SMC2: variants seen among roughly 807,000 people sequenced by gnomAD.
SMC2 encodes structural maintenance of chromosomes 2, also known as structural maintenance of chromosomes protein 2.
A neutral mutation model predicts 142.6 loss-of-function variants in SMC2; 41 were observed. The ratio of observed to expected loss-of-function variants is 0.29; its 90% CI spans 0.22 to 0.37. The LOEUF (loss-of-function observed/expected upper bound fraction) is 0.37. Among genes scored for constraint, SMC2 ranks in the 10% least tolerant of loss-of-function variants. The pLI, the probability that SMC2 is intolerant of heterozygous loss-of-function variation, is 1.00. For synonymous variants in SMC2, 463 were observed against 457.5 expected (o/e 1.01, Z -0.15); for missense variants, 1,265 against 1,373.7 (o/e 0.92, Z 1.25).
intron 7 of SMC2, among the ~76,000 whole-genome samples, chr9:104,101,538 T>G (rs1831120468): frequency 6.6e-6 from 1 of 152,208 alleles, no homozygotes; most frequent in African/African-American, 2.4e-5. Flanking sequence ...TATTACTTTG[T>G]CTGGTCCCAG....
At chr9:104,131,650 C>CT (rs34656812) in intron 21 of SMC2, among the ~76,000 whole-genome samples, 55,384 of 132,330 alleles carry the variant, frequency 0.42, 12,394 homozygotes, top group Non-Finnish European at 0.47. Flanking sequence ...ATATGTAACA[C>CT]TTTTTTTTTT....
chr9:104,128,004 T>C (rs1403630901), intron 20 of SMC2, among the ~76,000 whole-genome samples: 1 of 152,226 alleles, frequency 6.6e-6, no homozygotes, highest in Non-Finnish European at 1.5e-5. Flanking sequence ...CTTTCTTTCA[T>C]GTGTCACAGC....
chr9:104,104,184 C>T (rs988478294), intron 9 of SMC2, among the ~76,000 whole-genome samples: 1 of 152,132 alleles, frequency 6.6e-6, no homozygotes, highest in African/African-American at 2.4e-5. Flanking sequence ...TATGTTGATG[C>T]CCTCCAAATC....
upstream of SMC2, among the ~76,000 whole-genome samples, chr9:104,093,740 G>A (rs1411072190): frequency 6.6e-6 from 1 of 152,154 alleles, no homozygotes; most frequent in East Asian, 1.9e-4. Context: ...AGATAAAAAC[G>A]CTCCCCGAGG....
At chr9:104,102,877 G>A (rs917021075) in intron 9 of SMC2, among the ~76,000 whole-genome samples, 5 of 152,114 alleles carry the variant, frequency 3.3e-5, no homozygotes, top group Non-Finnish European at 5.9e-5. Context: ...TACAATTTGG[G>A]ATTTTAAGTT....
At chr9:104,124,852 T>G in intron 17 of SMC2, 60 bp from the exon 18 acceptor site, 2 of 1,328,964 alleles carry the variant, frequency 1.5e-6, no homozygotes, top group Non-Finnish European at 2.1e-6. Context: ...CTATTAAAAG[T>G]TGAATTTGTC....
At position 104,099,684 on chromosome 9, in the gene SMC2, TA is replaced by T; in HGVS notation, c.480+4del. On this transcript the variant is annotated splice_donor_region_variant and intron_variant, in intron 5 of 24. Transcript: ENST00000374793. The stretch of plus-strand genomic sequence containing the variant: ...GTATTGAATATGAAACCTCCAGAGG[TA>T]AGAGTACTATTTATGGACATTAAAA... The T allele has an allele frequency of 6.5e-7, 1 of 1,547,900 alleles. No homozygotes were observed. The highest frequency in any genetic ancestry group is 8.9e-7 in the Non-Finnish European group (1 of 1,120,990).
At chr9:104,132,163 T>C in intron 22 of SMC2, 38 bp downstream of exon 22, 1 of 1,053,576 alleles carries the variant, frequency 9.5e-7, no homozygotes, top group South Asian at 1.4e-5. Context: ...GTTGCAAGGA[T>C]GAAAAAATAT....
At chr9:104,125,900 C>G (rs192705442) in intron 18 of SMC2, among the ~76,000 whole-genome samples, 14 of 152,114 alleles carry the variant, frequency 9.2e-5, no homozygotes, top group Admixed American at 2.6e-4. Flanking sequence ...CTCTAAGATT[C>G]TTGTCATTAA....
chr9:104,124,415 T>C (rs755073192), intron 17 of SMC2, among the ~76,000 whole-genome samples: 1 of 152,124 alleles, frequency 6.6e-6, no homozygotes, highest in Non-Finnish European at 1.5e-5. Context: ...GATTTGGGGA[T>C]GTTTTTCCTT....
upstream of SMC2, among the ~76,000 whole-genome samples, chr9:104,089,925 C>A (rs1166413755): frequency 6.6e-6 from 1 of 151,934 alleles, no homozygotes; most frequent in African/African-American, 2.4e-5. Flanking sequence ...GGATTACAGG[C>A]ATGAGCCACC....
chr9:104,113,345 G>A lies in SMC2; in HGVS notation c.1284G>A (p.Gln428=). ...QAQMKLKHAQ[Q]ELKNKQAEVK... is the part of the protein sequence containing the mutation. Reference sequence around the variant, plus strand: ...AGATGAAGTTGAAGCATGCTCAACAGGAATTAAAGAATAAACAAGCTGAAG... The same window carrying A: ...AGATGAAGTTGAAGCATGCTCAACAAGAATTAAAGAATAAACAAGCTGAAG... Residue 428 remains glutamine, a synonymous_variant, in exon 11 of 25, where the codon CAG becomes CAA. Transcript: ENST00000374793. 1 of 1,609,382 alleles carries A rather than the reference G, an allele frequency of 6.2e-7. No individual in the cohort carries two copies. The highest frequency in any genetic ancestry group is 2.2e-5 in the East Asian group (1 of 44,524).
At chr9:104,103,206 G>C (rs755669731) in intron 9 of SMC2, among the ~76,000 whole-genome samples, 4 of 152,184 alleles carry the variant, frequency 2.6e-5, no homozygotes, top group Non-Finnish European at 5.9e-5. Context: ...TGAGTAGTGT[G>C]AGGAAAATTA....
intron 9 of SMC2, among the ~76,000 whole-genome samples, chr9:104,107,944 G>A (rs1241255882): frequency 2.6e-5 from 4 of 152,120 alleles, no homozygotes; most frequent in Admixed American, 6.5e-5. Flanking sequence ...GTGGCAGGCC[G>A]GGTTGGATAT....
At chr9:104,135,658 G>GTGAT (rs1416007518) in intron 23 of SMC2, among the ~76,000 whole-genome samples, 3 of 152,146 alleles carry the variant, frequency 2.0e-5, no homozygotes, top group Non-Finnish European at 4.4e-5. Flanking sequence ...CTGAAAACCA[G>GTGAT]TGATAGGAGA....
At chr9:104,129,139 C>T (rs1834648286) in intron 20 of SMC2, among the ~76,000 whole-genome samples, 1 of 152,106 alleles carries the variant, frequency 6.6e-6, no homozygotes, top group Non-Finnish European at 1.5e-5. Flanking sequence ...TATACAGTGT[C>T]TTGTTTCTGT....
At chr9:104,132,639 C>T (rs1464216158) in intron 22 of SMC2, among the ~76,000 whole-genome samples, 1 of 152,102 alleles carries the variant, frequency 6.6e-6, no homozygotes, top group Non-Finnish European at 1.5e-5. Context: ...CACCTTGCCT[C>T]TTTTTCTCTT....
intron 21 of SMC2, among the ~76,000 whole-genome samples, chr9:104,131,484 A>T (rs1834961761): frequency 6.6e-6 from 1 of 152,080 alleles, no homozygotes; most frequent in African/African-American, 2.4e-5. Context: ...AAACCTGCAC[A>T]TTCTGCACAT....
At chr9:104,113,612 A>C (rs1313946885) in intron 11 of SMC2, 137 bp downstream of exon 11, 1 of 639,186 alleles carries the variant, frequency 1.6e-6, no homozygotes, top group African/African-American at 1.9e-5. Flanking sequence ...GAAGTGTTGT[A>C]AATATCGTCA....
Sources: allele counts gnomAD v4.1 joint callset (sites outside exome capture counted in the v4.1 genomes callset), GRCh38; gene constraint gnomAD v4.1.1; transcripts MANE v1.5; gene names NCBI Gene and HGNC (gene_info 2026-07-23, HGNC 2026-07-21).